Variants in KDM5A observed in about 807,000 individuals in gnomAD.
KDM5A encodes the protein lysine demethylase 5A.
In KDM5A, 42 loss-of-function variants were observed where a neutral mutation model predicts 193.5. The observed-to-expected ratio is 0.22, with a 90% CI of 0.17 to 0.28. The LOEUF (loss-of-function observed/expected upper bound fraction) is 0.28, where lower values mean the gene tolerates loss of function less well. Among genes scored for constraint, KDM5A ranks in the 10% least tolerant of loss-of-function variants. The pLI is 1.00. For missense variants in KDM5A, 1,692 were observed against 2,055.1 expected (o/e 0.82, Z 3.42); for synonymous variants, 796 against 718.1 (o/e 1.11, Z -1.73).
chr12:306,632 A>G (rs1331142166), intron 24 of KDM5A, among the ~76,000 whole-genome samples: 1 of 151,898 alleles, frequency 6.6e-6, no homozygotes, highest in African/African-American at 2.4e-5. Context: ...AATTCCAGCA[A>G]CTTGGGAGGC....
At chr12:309,052 G>C (rs1009506832) in intron 22 of KDM5A, among the ~76,000 whole-genome samples, 3 of 152,128 alleles carry the variant, frequency 2.0e-5, no homozygotes, top group Non-Finnish European at 4.4e-5. Flanking sequence ...ATTCCTAAGA[G>C]TCAAGTCTAG....
At chr12:388,825 G>T in intron 1 of KDM5A, 102 bp downstream of exon 1, 1 of 1,362,390 alleles carries the variant, frequency 7.3e-7, no homozygotes, top group Non-Finnish European at 1.1e-6. Flanking sequence ...TCAAAAGAGA[G>T]TACATATGAA....
chr12:311,256 T>C (rs569772703), intron 20 of KDM5A, 192 bp from the exon 21 acceptor site: 22 of 611,710 alleles, frequency 3.6e-5, no homozygotes, highest in East Asian at 5.6e-5. Flanking sequence ...ATTTTTTTAA[T>C]GAACATGTCA....
intron 4 of KDM5A, among the ~76,000 whole-genome samples, chr12:363,369 A>G (rs1379745622): frequency 6.6e-6 from 1 of 152,252 alleles, no homozygotes; most frequent in East Asian, 1.9e-4. Context: ...ATCAACATTT[A>G]CCATAAAGCT....
At chr12:308,398 T>C (rs1267959667) in intron 22 of KDM5A, among the ~76,000 whole-genome samples, 1 of 152,170 alleles carries the variant, frequency 6.6e-6, no homozygotes, top group African/African-American at 2.4e-5. Flanking sequence ...TTAAATAAGA[T>C]AACATATGAA....
intron 13 of KDM5A, among the ~76,000 whole-genome samples, chr12:330,085 G>GTGTGTGTGTGTGTGTGTATATATATA (rs377271333): frequency 7.2e-4 from 100 of 139,358 alleles, no homozygotes; most frequent in African/African-American, 1.1e-3. Context: ...GTGTGTGTGT[G>GTGTGTGTGTGTGTGTGTATATATATA]TATATATATA....
chr12:358,033 C>A (rs111581961), intron 5 of KDM5A, among the ~76,000 whole-genome samples: 97 of 151,922 alleles, frequency 6.4e-4, no homozygotes, highest in African/African-American at 2.2e-3. Flanking sequence ...GAGCTACTTA[C>A]CTCTGAAAAT....
rs1019023984 is a variant in KDM5A, at chr12:283,111, G to C, written c.*2345C>G. 15 of 231,050 alleles carry C rather than the reference G, an allele frequency of 6.5e-5. No homozygotes were observed. Among genetic ancestry groups the C allele is most frequent in the Non-Finnish European group, 1.1e-4 (13 of 116,802 alleles). 14.3% of individuals were successfully genotyped at this position (231,050 alleles called of 1,614,324 possible). A position where few individuals can be genotyped will look rare whatever the true frequency, so the allele number is the denominator to read the frequency against. The stretch of plus-strand genomic sequence containing the variant: ...GCATCCTCATGACTCTCCACTGATA[G>C]TGGAATAGTTAATGGATGATTAGGA... On this transcript the variant is annotated 3_prime_UTR_variant, in exon 28 of 28. Coordinates refer to ENST00000399788, the MANE Select transcript of KDM5A (RefSeq NM_001042603.3).
intron 27 of KDM5A, among the ~76,000 whole-genome samples, chr12:289,907 C>CTTTTTTTTTTTTTTTTTTTTTTT (rs750918968): frequency 3.1e-4 from 31 of 99,632 alleles, no homozygotes; most frequent in East Asian, 8.9e-4. Flanking sequence ...TTCTTTCTTT[C>CTTTTTTTTTTTTTTTTTTTTTTT]TTTTTTTTTT....
rs929946148 is a variant in KDM5A, at chr12:333,702, A to T, written c.1491-53T>A. ...GGCAGAACATGGTACCAATGAGGCT[A>T]GGGTATCTGATTCCAATCCACCAAA... On this transcript the variant is annotated intron_variant, in intron 11 of 27. Coordinates refer to ENST00000399788, the MANE Select transcript of KDM5A (RefSeq NM_001042603.3). The T allele has an allele frequency of 3.3e-6, 5 of 1,509,378 alleles. No individual in the cohort carries two copies. The African/African-American group carries it at 6.9e-5, about 21-fold the overall frequency. The allele number at this position is 1,509,378 out of a possible 1,614,324, so 93.5% of individuals were successfully genotyped here.
chr12:350,472 C>T (rs2137448467), intron 10 of KDM5A, 149 bp downstream of exon 10: 1 of 660,344 alleles, frequency 1.5e-6, no homozygotes. Flanking sequence ...TCAAAGTATT[C>T]TGAATTCTTC....
intron 18 of KDM5A, among the ~76,000 whole-genome samples, chr12:320,190 G>C (rs1183192798): frequency 6.6e-6 from 1 of 152,080 alleles, no homozygotes; most frequent in Non-Finnish European, 1.5e-5. Flanking sequence ...TCTACAAGTT[G>C]ATAACCTTGA....
At chr12:351,911 C>G (rs960705413) in intron 9 of KDM5A, among the ~76,000 whole-genome samples, 6 of 151,964 alleles carry the variant, frequency 3.9e-5, no homozygotes, top group African/African-American at 1.5e-4. Flanking sequence ...CAAGACCAGC[C>G]TGACCAATAT....
intron 19 of KDM5A, among the ~76,000 whole-genome samples, chr12:313,794 A>G (rs2137397939): frequency 6.6e-6 from 1 of 152,358 alleles, no homozygotes; most frequent in East Asian, 1.9e-4. Context: ...CTGTTATGGG[A>G]GGCAGTGATT....
chr12:341,882 G>A (rs1463563090), intron 10 of KDM5A, among the ~76,000 whole-genome samples: 5 of 150,464 alleles, frequency 3.3e-5, no homozygotes, highest in East Asian at 2.0e-4. Context: ...CCGGGCAACA[G>A]GGCAAGACTC....
chr12:375,277 ACTCTTTTTT>A (rs1944488189), intron 3 of KDM5A, among the ~76,000 whole-genome samples: 1 of 151,202 alleles, frequency 6.6e-6, no homozygotes, highest in African/African-American at 2.4e-5. Flanking sequence ...GTTTCTTTTT[ACTCTTTTTT>A]CTCTAAAGTT....
intron 27 of KDM5A, among the ~76,000 whole-genome samples, chr12:285,932 T>C (rs1316541702): frequency 6.6e-6 from 1 of 152,186 alleles, no homozygotes; most frequent in Admixed American, 6.5e-5. Flanking sequence ...GGCAGAAACA[T>C]GTTTGAGAAA....
In KDM5A at chr12:322,972, G is replaced by A. The variant is rs138454179; in HGVS notation, c.2275+110C>T. Reference sequence around the variant, plus strand: ...CAACCCATTAATCTCAAATCTCATAGGAAGCCTAGGATTTTTCTTTTACGG... The same window carrying A: ...CAACCCATTAATCTCAAATCTCATAAGAAGCCTAGGATTTTTCTTTTACGG... On this transcript the variant is annotated intron_variant, in intron 16 of 27. Transcript: ENST00000399788. 2.0e-3 allele frequency: 2,737 copies of A among 1,401,826 alleles called. 20 individuals are homozygous for A. Among genetic ancestry groups the A allele is most frequent in the African/African-American group, 0.015 (1,049 of 69,788 alleles). The allele number at this position is 1,401,826 out of a possible 1,614,324, so 86.8% of individuals were successfully genotyped here.
chr12:346,514 A>G (rs1944078255), intron 10 of KDM5A, among the ~76,000 whole-genome samples: 1 of 152,206 alleles, frequency 6.6e-6, no homozygotes, highest in African/African-American at 2.4e-5. Context: ...AAAATCCCCA[A>G]TAAAATATTG....
Sources: allele counts gnomAD v4.1 joint callset (sites outside exome capture counted in the v4.1 genomes callset), GRCh38; gene constraint gnomAD v4.1.1; transcripts MANE v1.5; gene names NCBI Gene and HGNC (gene_info 2026-07-23, HGNC 2026-07-21).